NAB1: variants seen among roughly 807,000 people sequenced by gnomAD.
The protein encoded by NAB1 is NGFI-A-binding protein 1.
A neutral mutation model predicts 49.9 loss-of-function variants in NAB1; 25 were observed. The ratio of observed to expected loss-of-function variants is 0.50; its 90% CI spans 0.37 to 0.70. NAB1 has a LOEUF of 0.70. Among genes scored for constraint, NAB1 ranks in the 30% least tolerant of loss-of-function variants. NAB1 has a pLI of 0.00. For missense variants in NAB1, 489 were observed against 575.9 expected (o/e 0.85, Z 1.54); for synonymous variants, 198 against 215.6 (o/e 0.92, Z 0.71).
In NAB1 at chr2:190,689,821, C is replaced by T. The variant is rs867783501; in HGVS notation, c.1376-424C>T. Among the ~76,000 whole-genome samples, 2 of 151,762 alleles carry T rather than the reference C, an allele frequency of 1.3e-5. No homozygotes were observed. Among genetic ancestry groups the T allele is most frequent in the Non-Finnish European group, 2.9e-5 (2 of 67,908 alleles). On this transcript the variant is annotated intron_variant, in intron 9 of 9. Coordinates refer to ENST00000337386, the MANE Select transcript of NAB1 (RefSeq NM_005966.4). This position sits in a 1 kb window ranked among gnomAD's most constrained non-coding sequence, Gnocchi z 4.3. The stretch of plus-strand genomic sequence containing the variant: ...CCAGTAACAGTTATTTATGAATAAT[C>T]AGCTTCCTTTTATATATTTATCATG...
Position 190,682,769 on chromosome 2 carries a change from A to G in NAB1, c.1006-969A>G, listed in dbSNP as rs1466357160. 1.3e-5 allele frequency among the ~76,000 whole-genome samples: 2 copies of G among 152,214 alleles called. No individual in the cohort carries two copies. The highest frequency in any genetic ancestry group is 2.9e-5 in the Non-Finnish European group (2 of 68,034). Reference sequence around the variant, plus strand: ...TAAATGATTTTTGAGTATCAAAAGTATAGATAAATTGGCATAAATTAAGAA... The same window carrying G: ...TAAATGATTTTTGAGTATCAAAAGTGTAGATAAATTGGCATAAATTAAGAA... On this transcript the variant is annotated intron_variant, in intron 6 of 9. Coordinates refer to ENST00000337386, the MANE Select transcript of NAB1 (RefSeq NM_005966.4). The surrounding 1 kb of genome is among the most constrained non-coding windows in gnomAD (Gnocchi z 4.1).
Position 190,690,542 on chromosome 2 carries a change from A to G in NAB1, c.*209A>G, listed in dbSNP as rs767337837. ...AAAATCAAGAGTGTTGCAATCTATA[A>G]CAGTAATATTGATTCATTCACATTC... On this transcript the variant is annotated 3_prime_UTR_variant, in exon 10 of 10. Coordinates refer to ENST00000337386, the MANE Select transcript of NAB1 (RefSeq NM_005966.4). 1 of 465,036 alleles carries G rather than the reference A, an allele frequency of 2.2e-6. No homozygotes were observed. The highest frequency in any genetic ancestry group is 3.8e-6 in the Non-Finnish European group (1 of 260,114). The allele number at this position is 465,036 out of a possible 1,614,324, so 28.8% of individuals were successfully genotyped here.
chr2:190,673,433 C>T (rs996034292), intron 6 of NAB1, among the ~76,000 whole-genome samples: 1 of 152,094 alleles, frequency 6.6e-6, no homozygotes, highest in Non-Finnish European at 1.5e-5. Flanking sequence ...AACTCCTGGG[C>T]TCAAGTGATC....
chr2:190,665,973 C>G (rs1248203455), intron 4 of NAB1, among the ~76,000 whole-genome samples: 1 of 152,062 alleles, frequency 6.6e-6, no homozygotes, highest in Non-Finnish European at 1.5e-5. Flanking sequence ...CTCCTCAACC[C>G]CATGAGGCCA....
rs761463081 is a variant in NAB1 at position 190,685,492 on chromosome 2, T to G, written c.1112T>G (p.Met371Arg). 6 of 1,610,562 alleles carry G rather than the reference T, an allele frequency of 3.7e-6. No individual in the cohort carries two copies. In the Admixed American group the frequency reaches 1.0e-4, roughly 27 times the overall value. Reference sequence around the variant, plus strand: ...ACTTACTAGCAGCCTGAAAAGGTGATGGCAAAGCAGATGGAGTTCCTTTGC... The same window carrying G: ...ACTTACTAGCAGCCTGAAAAGGTGAGGGCAAAGCAGATGGAGTTCCTTTGC... ...ALSSQQPEKV[M>R]AKQMEFLCNQ... The change falls in exon 8 of 10, where the codon ATG becomes AGG. Residue 371 changes from methionine (M) to arginine (R), a missense_variant. Met to Arg is a moderately conservative substitution (Grantham distance 91). Around this residue, in one of 4 missense-constraint regions of NAB1, gnomAD observed 212 missense variants for 199.3 expected, o/e 1.06. Coordinates refer to ENST00000337386, the MANE Select transcript of NAB1 (RefSeq NM_005966.4). This position sits in a 1 kb window ranked among gnomAD's most constrained non-coding sequence, Gnocchi z 4.5.
rs1421635630 is a variant in NAB1, at chr2:190,652,999, G to A, written c.-196-2978G>A. On this transcript the variant is annotated intron_variant, in intron 2 of 9. Transcript: ENST00000337386. This position sits in a 1 kb window ranked among gnomAD's most constrained non-coding sequence, Gnocchi z 4.2. Reference sequence around the variant, plus strand: ...TGCATAAACTTTCTTATCAGCTATCGTTAGTGTATTTTTTGTGTGGCCCAA... The same window carrying A: ...TGCATAAACTTTCTTATCAGCTATCATTAGTGTATTTTTTGTGTGGCCCAA... 1.3e-5 allele frequency among the ~76,000 whole-genome samples: 2 copies of A among 152,196 alleles called. No individual in the cohort carries two copies. Among genetic ancestry groups the A allele is most frequent in the African/African-American group, 2.4e-5 (1 of 41,446 alleles).
Position 190,691,288 on chromosome 2 carries a change from T to G in NAB1, c.*955T>G, listed in dbSNP as rs1390369024. The G allele has an allele frequency of 6.6e-6, 1 of 152,518 alleles. No homozygotes were observed. Among genetic ancestry groups the G allele is most frequent in the African/African-American group, 2.4e-5 (1 of 41,452 alleles). The allele number at this position is 152,518 out of a possible 1,614,324, so 9.4% of individuals were successfully genotyped here. ...TTTTATATCCAGAAAGTCTTCTCTATGTAGAGAAGTCAGAGAGACTAGATG... is the reference window on the plus strand; with the variant it reads ...TTTTATATCCAGAAAGTCTTCTCTAGGTAGAGAAGTCAGAGAGACTAGATG... On this transcript the variant is annotated 3_prime_UTR_variant, in exon 10 of 10. Coordinates refer to ENST00000337386, the MANE Select transcript of NAB1 (RefSeq NM_005966.4). This position sits in a 1 kb window ranked among gnomAD's most constrained non-coding sequence, Gnocchi z 4.1.
chr2:190,668,347 G>A (rs1694629420), intron 4 of NAB1, among the ~76,000 whole-genome samples: 2 of 152,042 alleles, frequency 1.3e-5, no homozygotes, highest in African/African-American at 4.8e-5. Context: ...GAAAACTGGA[G>A]GTAGTTTGAT....
Position 190,663,274 on chromosome 2 carries a change from GTTT to G in NAB1, c.819+3283_819+3285del, listed in dbSNP as rs766620373. On this transcript the variant is annotated intron_variant, in intron 4 of 9. Coordinates refer to ENST00000337386, the MANE Select transcript of NAB1 (RefSeq NM_005966.4). The surrounding 1 kb of genome is among the most constrained non-coding windows in gnomAD (Gnocchi z 4.2). ...ACTTAGTGGCGTAAAGTTATTTATA[GTTT>G]TTTAAGACCTAATATTGACCTAATA... Among the ~76,000 whole-genome samples the G allele has an allele frequency of 2.6e-5, 4 of 152,130 alleles. No individual in the cohort carries two copies. Among genetic ancestry groups the G allele is most frequent in the Non-Finnish European group, 5.9e-5 (4 of 68,022 alleles).
rs1183463049 is a variant in NAB1, at chr2:190,677,678, T to C, written c.1005+4526T>C. 2.6e-5 allele frequency among the ~76,000 whole-genome samples: 4 copies of C among 152,348 alleles called. No individual in the cohort carries two copies. In the East Asian group the frequency reaches 5.8e-4, roughly 22 times the overall value. Reference sequence around the variant, plus strand: ...TTGGAATTCATTATCACAAACATTCTTGTCTAACCTATGTGGAGGCTTTAT... The same window carrying C: ...TTGGAATTCATTATCACAAACATTCCTGTCTAACCTATGTGGAGGCTTTAT... On this transcript the variant is annotated intron_variant, in intron 6 of 9. Coordinates refer to ENST00000337386, the MANE Select transcript of NAB1 (RefSeq NM_005966.4). This position sits in a 1 kb window ranked among gnomAD's most constrained non-coding sequence, Gnocchi z 5.6.
intron 2 of NAB1, among the ~76,000 whole-genome samples, chr2:190,653,096 C>T (rs1693748662): frequency 6.6e-6 from 1 of 152,168 alleles, no homozygotes; most frequent in African/African-American, 2.4e-5. Context: ...GCTCATCCTT[C>T]CCTAAATCAA....
chr2:190,660,269 TAA>T (rs1186807954), intron 4 of NAB1, among the ~76,000 whole-genome samples: 1 of 152,242 alleles, frequency 6.6e-6, no homozygotes, highest in East Asian at 1.9e-4. Context: ...AGTGAAAGCG[TAA>T]AGTCTTTGCA....
intron 4 of NAB1, among the ~76,000 whole-genome samples, chr2:190,660,781 G>C (rs1694183105): frequency 6.6e-6 from 1 of 151,518 alleles, no homozygotes; most frequent in African/African-American, 2.4e-5. Flanking sequence ...ACTTCTTATT[G>C]TACTTATTTG....
In NAB1 at chr2:190,683,718, ACTT is replaced by A; in HGVS notation, c.1006-16_1006-14del. On this transcript the variant is annotated splice_polypyrimidine_tract_variant and intron_variant, in intron 6 of 9. Coordinates refer to ENST00000337386, the MANE Select transcript of NAB1 (RefSeq NM_005966.4). The stretch of plus-strand genomic sequence containing the variant: ...TATTTACAAACTCTAAATATAAAGG[ACTT>A]CTTATTTGACCCACAGGATGGGTTT... 1.9e-6 allele frequency: 3 copies of A among 1,558,960 alleles called. No individual in the cohort carries two copies. The highest frequency in any genetic ancestry group is 2.6e-6 in the Non-Finnish European group (3 of 1,138,788).
rs555632908 is a variant in NAB1 at position 190,667,077 on chromosome 2, G to A, written c.820-3249G>A. The stretch of plus-strand genomic sequence containing the variant: ...ATCAGCTTTTTATTACAACTTGGGG[G>A]TGAGCTAGAGTTACTTCTCCAGCCT... On this transcript the variant is annotated intron_variant, in intron 4 of 9. Transcript: ENST00000337386. The surrounding 1 kb of genome is among the most constrained non-coding windows in gnomAD (Gnocchi z 4.4). 2.6e-5 allele frequency among the ~76,000 whole-genome samples: 4 copies of A among 152,318 alleles called. No individual in the cohort carries two copies. In the South Asian group the frequency reaches 8.3e-4, roughly 32 times the overall value.
rs779357621 is a variant in NAB1 at position 190,659,818 on chromosome 2, C to A, written c.642C>A (p.Asp214Glu). The A allele has an allele frequency of 1.9e-6, 3 of 1,614,090 alleles. No individual in the cohort carries two copies. Among genetic ancestry groups the A allele is most frequent in the Non-Finnish European group, 2.5e-6 (3 of 1,180,050 alleles). The change falls in exon 4 of 10, where the codon GAC (aspartate) becomes GAA (glutamate). Residue 214 changes from aspartate (D) to glutamate (E), a missense_variant. Asp to Glu is a conservative substitution (Grantham distance 45, BLOSUM62 2). Around this residue, in one of 4 missense-constraint regions of NAB1, gnomAD observed 204 missense variants for 220.9 expected, o/e 0.92. Coordinates refer to ENST00000337386, the MANE Select transcript of NAB1 (RefSeq NM_005966.4). This position sits in a 1 kb window ranked among gnomAD's most constrained non-coding sequence, Gnocchi z 6.2. The stretch of plus-strand genomic sequence containing the variant: ...TGGCCCCCACACTGCCAAAAAGTGA[C>A]TTGAATGAAGTGAAAGAGCTGCTAA... ...ERMAPTLPKS[D>E]LNEVKELLKT...
In NAB1 at chr2:190,669,955, G is replaced by A. The variant is rs947244433; in HGVS notation, c.820-371G>A. Among the ~76,000 whole-genome samples the A allele has an allele frequency of 1.2e-4, 18 of 152,170 alleles. No homozygotes were observed. The highest frequency in any genetic ancestry group is 1.1e-3 in the Admixed American group (17 of 15,288). On this transcript the variant is annotated intron_variant, in intron 4 of 9. Coordinates refer to ENST00000337386, the MANE Select transcript of NAB1 (RefSeq NM_005966.4). The surrounding 1 kb of genome is among the most constrained non-coding windows in gnomAD (Gnocchi z 4.3). ...GTCAGACCATCTACATTCATTTTTGGTTAGAGAAATGGTGTCAGCAAATCC... is the reference window on the plus strand; with the variant it reads ...GTCAGACCATCTACATTCATTTTTGATTAGAGAAATGGTGTCAGCAAATCC...
intron 4 of NAB1, among the ~76,000 whole-genome samples, chr2:190,664,871 T>C (rs1009417986): frequency 2.0e-5 from 3 of 152,062 alleles, no homozygotes; most frequent in Admixed American, 1.3e-4. Flanking sequence ...ACTGGAATAT[T>C]TGGTCCATGT....
At position 190,666,189 on chromosome 2, in the gene NAB1, G is replaced by A. The variant is rs1020201599; in HGVS notation, c.820-4137G>A. Among the ~76,000 whole-genome samples the A allele has an allele frequency of 6.6e-6, 1 of 151,884 alleles. No individual in the cohort carries two copies. The highest frequency in any genetic ancestry group is 1.5e-5 in the Non-Finnish European group (1 of 67,980). On this transcript the variant is annotated intron_variant, in intron 4 of 9. Coordinates refer to ENST00000337386, the MANE Select transcript of NAB1 (RefSeq NM_005966.4). This position sits in a 1 kb window ranked among gnomAD's most constrained non-coding sequence, Gnocchi z 5.6. ...CCAGTAATGGTACCTAGCCCTCCCAGTGCTGGAAATGAAAGTCCTGATTGC... is the reference window on the plus strand; with the variant it reads ...CCAGTAATGGTACCTAGCCCTCCCAATGCTGGAAATGAAAGTCCTGATTGC...
Sources: gnomAD v4.1 joint callset for allele counts (sites outside exome capture counted in the v4.1 genomes callset) on GRCh38, gnomAD v4.1.1 for gene constraint, gnomAD v4.1.1 regional missense constraint, Gnocchi (gnomAD v3.1) non-coding constraint, MANE v1.5 for transcripts, NCBI Gene and HGNC (gene_info 2026-07-23, HGNC 2026-07-21) for gene names.